Variants in ATP8A1 observed in about 807,000 individuals in gnomAD.
ATP8A1 encodes the protein phospholipid-transporting ATPase IA.
In ATP8A1, 90 loss-of-function variants were observed where a neutral mutation model predicts 177.7. The observed-to-expected ratio is 0.51, with a 90% CI of 0.43 to 0.60. The LOEUF (loss-of-function observed/expected upper bound fraction) is 0.60, where lower values mean the gene tolerates loss of function less well. ATP8A1 is among the 20% of genes least tolerant of loss of function. The pLI, the probability that ATP8A1 is intolerant of heterozygous loss-of-function variation, is 0.00. For synonymous variants in ATP8A1, 493 were observed against 485.9 expected (o/e 1.01, Z -0.19); for missense variants, 1,072 against 1,392.8 (o/e 0.77, Z 3.67).
At chr4:42,503,227 C>T (rs17531861) in intron 24 of ATP8A1, among the ~76,000 whole-genome samples, 15,554 of 152,214 alleles carry the variant, frequency 0.1, 997 homozygotes, top group Middle Eastern at 0.17. Context: ...CACAATATTA[C>T]GCAAATCATT....
At chr4:42,563,985 C>T (rs1380398478) in intron 15 of ATP8A1, among the ~76,000 whole-genome samples, 2 of 152,170 alleles carry the variant, frequency 1.3e-5, no homozygotes, top group Admixed American at 6.5e-5. Flanking sequence ...ATCCCAGCTA[C>T]TTGGGAGGCT....
chr4:42,548,928 AT>A, intron 19 of ATP8A1, 84 bp downstream of exon 19: 1 of 1,084,578 alleles, frequency 9.2e-7, no homozygotes, highest in South Asian at 1.5e-5. Flanking sequence ...AAAACAAAAC[AT>A]ACTTTCTAGT....
At chr4:42,529,229 GT>G (rs1727008655) in intron 20 of ATP8A1, among the ~76,000 whole-genome samples, 1 of 152,180 alleles carries the variant, frequency 6.6e-6, no homozygotes, top group African/African-American at 2.4e-5. Flanking sequence ...CGGGGATGCT[GT>G]TTGGAGCCTT....
intron 20 of ATP8A1, among the ~76,000 whole-genome samples, chr4:42,542,216 A>AT (rs1332262332): frequency 3.3e-5 from 5 of 151,928 alleles, no homozygotes; most frequent in African/African-American, 4.8e-5. Context: ...AATATATTAA[A>AT]TTTTTTTTCA....
At chr4:42,593,876 C>T (rs970272343) in intron 6 of ATP8A1, among the ~76,000 whole-genome samples, 5 of 151,928 alleles carry the variant, frequency 3.3e-5, no homozygotes, top group Non-Finnish European at 7.4e-5. Context: ...AATCATTCAT[C>T]CATTTTTTTA....
At chr4:42,653,846 A>G (rs1404728502) in intron 1 of ATP8A1, among the ~76,000 whole-genome samples, 2 of 152,186 alleles carry the variant, frequency 1.3e-5, no homozygotes, top group Non-Finnish European at 2.9e-5. Context: ...GCTCCTTCCA[A>G]GTTTCCCTCT....
At chr4:42,648,677 AAATT>A (rs1241080705) in intron 1 of ATP8A1, among the ~76,000 whole-genome samples, 2 of 152,178 alleles carry the variant, frequency 1.3e-5, no homozygotes, top group South Asian at 2.1e-4. Flanking sequence ...TACTTCATAA[AAATT>A]AATTTACATA....
chr4:42,608,121 T>G (rs1224725619), intron 5 of ATP8A1, among the ~76,000 whole-genome samples: 1 of 152,204 alleles, frequency 6.6e-6, no homozygotes, highest in Non-Finnish European at 1.5e-5. Flanking sequence ...GTAATAGGTT[T>G]CTTTTTTGAA....
At chr4:42,565,268 A>C (rs1731241136) in intron 15 of ATP8A1, among the ~76,000 whole-genome samples, 1 of 152,244 alleles carries the variant, frequency 6.6e-6, no homozygotes, top group Non-Finnish European at 1.5e-5. Flanking sequence ...TGGCTGCCTT[A>C]CTGGAATAAA....
In ATP8A1 at chr4:42,411,268, T is replaced by C. The variant is rs1577877495; in HGVS notation, c.*1648A>G. ...GGAGCTACAAATACAGACAAGGAAA[T>C]GACATATATCCTAATTTTAAATCTA... On this transcript the variant is annotated 3_prime_UTR_variant, in exon 37 of 37. Transcript: ENST00000381668. 6.6e-6 allele frequency: 1 copy of C among 152,118 alleles called. No individual in the cohort carries two copies. Among genetic ancestry groups the C allele is most frequent in the African/African-American group, 2.4e-5 (1 of 41,428 alleles). 9.4% of individuals were successfully genotyped at this position (152,118 alleles called of 1,614,324 possible). A position where few individuals can be genotyped will look rare whatever the true frequency, so the allele number is the denominator to read the frequency against.
intron 7 of ATP8A1, 185 bp from the exon 8 acceptor site, chr4:42,588,514 C>G (rs1029969478): frequency 1.0e-5 from 5 of 496,806 alleles, no homozygotes; most frequent in Non-Finnish European, 1.8e-5. Context: ...TGACAACTCA[C>G]GGATTAGCTT....
chr4:42,615,243 T>C (rs901469798), intron 5 of ATP8A1, among the ~76,000 whole-genome samples: 2 of 152,174 alleles, frequency 1.3e-5, no homozygotes, highest in African/African-American at 2.4e-5. Flanking sequence ...ATGCCTATTG[T>C]GGGAGGTGGT....
chr4:42,574,864 T>C (rs1225964174), intron 13 of ATP8A1, among the ~76,000 whole-genome samples, 157 bp from the exon 14 acceptor site: 1 of 152,230 alleles, frequency 6.6e-6, no homozygotes, highest in African/African-American at 2.4e-5. Context: ...TATTCAGCTT[T>C]TTAAAAAGTA....
Position 42,479,735 on chromosome 4 carries a change from A to G in ATP8A1, c.2324+5761T>C, listed in dbSNP as rs991029490. ...ATTTGGATGTGGTTGTGGAAGGTAT[A>G]TATGTTTATTCAAAGTTAGTATGAA... On this transcript the variant is annotated intron_variant, in intron 25 of 36. Coordinates refer to ENST00000381668, the MANE Select transcript of ATP8A1 (RefSeq NM_006095.2). 3.9e-5 allele frequency among the ~76,000 whole-genome samples: 6 copies of G among 152,352 alleles called. No individual in the cohort carries two copies. The South Asian group carries it at 1.2e-3, about 32-fold the overall frequency.
chr4:42,418,622 G>A (rs779031632), intron 35 of ATP8A1, among the ~76,000 whole-genome samples: 104 of 152,202 alleles, frequency 6.8e-4, no homozygotes, highest in Non-Finnish European at 1.2e-3. Flanking sequence ...AGGCAGCAAG[G>A]TTTGGGTTAT....
chr4:42,570,852 T>C (rs1731831727), intron 14 of ATP8A1, among the ~76,000 whole-genome samples: 3 of 152,226 alleles, frequency 2.0e-5, no homozygotes, highest in Admixed American at 2.0e-4. Flanking sequence ...GCATATTTCC[T>C]TGCCTTCCCT....
rs111309224 is a variant in ATP8A1 at position 42,544,637 on chromosome 4, C to T, written c.1653-651G>A. On this transcript the variant is annotated intron_variant, in intron 19 of 36. Transcript: ENST00000381668. ...TCAATGCATTAGTAAAAAGAGATAG[C>T]AAATAACACTGAATGGAAGAAACTG... Among the ~76,000 whole-genome samples, 181 of 152,250 alleles carry T rather than the reference C, an allele frequency of 1.2e-3. 1 individual carries two copies. Among genetic ancestry groups the T allele is most frequent in the African/African-American group, 4.2e-3 (176 of 41,558 alleles).
At chr4:42,484,910 T>C (rs1216287019) in intron 25 of ATP8A1, among the ~76,000 whole-genome samples, 1 of 152,164 alleles carries the variant, frequency 6.6e-6, no homozygotes, top group Non-Finnish European at 1.5e-5. Flanking sequence ...TTTAAACAAT[T>C]TATACGTAAA....
chr4:42,610,336 A>C (rs1301727709), intron 5 of ATP8A1, among the ~76,000 whole-genome samples: 1 of 152,154 alleles, frequency 6.6e-6, no homozygotes, highest in Non-Finnish European at 1.5e-5. Flanking sequence ...CTAACTTTGA[A>C]TCACACCCAT....
Sources: gnomAD v4.1 joint callset for allele counts (sites outside exome capture counted in the v4.1 genomes callset) on GRCh38, gnomAD v4.1.1 for gene constraint, MANE v1.5 for transcripts, NCBI Gene and HGNC (gene_info 2026-07-23, HGNC 2026-07-21) for gene names.